The following CSMD1 variants were observed in gnomAD, a reference collection of about 807,000 sequenced individuals.
CSMD1 encodes CUB and Sushi multiple domains 1, also known as CUB and sushi domain-containing protein 1.
A neutral mutation model predicts 417.5 loss-of-function variants in CSMD1; 213 were observed. The ratio of observed to expected loss-of-function variants is 0.51; its 90% CI spans 0.46 to 0.57. The LOEUF (loss-of-function observed/expected upper bound fraction) is 0.57. CSMD1 is among the 20% of genes least tolerant of loss of function. The pLI, the probability that CSMD1 is intolerant of heterozygous loss-of-function variation, is 0.00. For synonymous variants in CSMD1, 2,862 were observed against 1,736.8 expected, an observed-to-expected ratio of 1.65 and a Z score of -16.11; for missense variants, 6,923 against 4,529.7, an observed-to-expected ratio of 1.53 and a Z score of -15.17.
At chr8:3,074,258 A>G (rs1165336511) in intron 49 of CSMD1, among the ~76,000 whole-genome samples, 3 of 152,214 alleles carry the variant, frequency 2.0e-5, no homozygotes, top group East Asian at 1.9e-4. Context: ...CAGGCCTTCA[A>G]TCTCTGACCA....
chr8:4,184,731 T>C (rs1414853868), intron 3 of CSMD1, among the ~76,000 whole-genome samples: 1 of 151,516 alleles, frequency 6.6e-6, no homozygotes, highest in Non-Finnish European at 1.5e-5. Flanking sequence ...CCGTGAAAAA[T>C]AACTAATGGG....
chr8:3,157,625 TGTC>T (rs1819613837), intron 39 of CSMD1, among the ~76,000 whole-genome samples: 1 of 152,116 alleles, frequency 6.6e-6, no homozygotes, highest in South Asian at 2.1e-4. Flanking sequence ...CTGACACACA[TGTC>T]GTTTTGGTGC....
intron 1 of CSMD1, among the ~76,000 whole-genome samples, chr8:4,913,549 G>A (rs1034228459): frequency 2.0e-5 from 3 of 152,028 alleles, no homozygotes; most frequent in Non-Finnish European, 4.4e-5. Flanking sequence ...AGCTCTACAG[G>A]GGAACGCCAC....
At chr8:4,300,848 T>G (rs531185527) in intron 3 of CSMD1, among the ~76,000 whole-genome samples, 1 of 152,330 alleles carries the variant, frequency 6.6e-6, no homozygotes, top group African/African-American at 2.4e-5. Flanking sequence ...TCCATGTCCC[T>G]ACAAAGGACA....
At chr8:4,240,859 TA>T in intron 3 of CSMD1, among the ~76,000 whole-genome samples, 1 of 152,342 alleles carries the variant, frequency 6.6e-6, no homozygotes, top group Non-Finnish European at 1.5e-5. Flanking sequence ...TAGCATTTTT[TA>T]AAATATTGAG....
chr8:3,893,263 G>C (rs1033119221), intron 5 of CSMD1, among the ~76,000 whole-genome samples: 3 of 144,606 alleles, frequency 2.1e-5, no homozygotes, highest in African/African-American at 5.0e-5. Context: ...TAATATTTTA[G>C]CCTATAAAAC....
chr8:4,290,802 A>C (rs1797319380), intron 3 of CSMD1, among the ~76,000 whole-genome samples: 1 of 152,198 alleles, frequency 6.6e-6, no homozygotes, highest in Non-Finnish European at 1.5e-5. Flanking sequence ...TTTTACTTTC[A>C]AGAAATCACA....
intron 2 of CSMD1, among the ~76,000 whole-genome samples, chr8:4,434,458 T>C (rs1416837268): frequency 1.3e-5 from 2 of 152,152 alleles, no homozygotes; most frequent in Non-Finnish European, 2.9e-5. Context: ...ACCCATCCTA[T>C]GAAGTCCCCA....
rs143218172 is a variant in CSMD1, at chr8:4,405,653, C to G, written c.415+14300G>C. Among the ~76,000 whole-genome samples, 682 of 152,272 alleles carry G rather than the reference C, an allele frequency of 4.5e-3. 5 individuals carry two copies. Among genetic ancestry groups the G allele is most frequent in the African/African-American group, 0.016 (661 of 41,552 alleles). ...AGGTTTTGCTTGGCATTGCATTATC[C>G]TCGCATGAGACACATCACTCATCGC... On this transcript the variant is annotated intron_variant, in intron 3 of 69. Transcript: ENST00000635120.
intron 27 of CSMD1, among the ~76,000 whole-genome samples, chr8:3,228,582 G>C (rs1798651243): frequency 6.6e-6 from 1 of 152,150 alleles, no homozygotes; most frequent in Non-Finnish European, 1.5e-5. Flanking sequence ...GGACTACCTA[G>C]TGGCTGGTCA....
In CSMD1 at chr8:4,531,042, G is replaced by A. The variant is rs984116357; in HGVS notation, c.302+106300C>T. Among the ~76,000 whole-genome samples, 5 of 152,080 alleles carry A rather than the reference G, an allele frequency of 3.3e-5. No individual in the cohort carries two copies. The South Asian group carries it at 8.3e-4, about 25-fold the overall frequency. On this transcript the variant is annotated intron_variant, in intron 2 of 69. Coordinates refer to ENST00000635120, the MANE Select transcript of CSMD1 (RefSeq NM_033225.6). Reference sequence around the variant, plus strand: ...TCTCTGCCGCTCTCTGTTGGATTACGTTGATTGTATGATACTCTATCATTT... The same window carrying A: ...TCTCTGCCGCTCTCTGTTGGATTACATTGATTGTATGATACTCTATCATTT...
intron 11 of CSMD1, among the ~76,000 whole-genome samples, chr8:3,492,508 G>A (rs1397970778): frequency 1.3e-5 from 2 of 152,222 alleles, no homozygotes; most frequent in Admixed American, 1.3e-4. Flanking sequence ...ACAACATGAA[G>A]AGAAGCTATC....
At chr8:4,461,707 T>C (rs1379869137) in intron 2 of CSMD1, among the ~76,000 whole-genome samples, 2 of 150,158 alleles carry the variant, frequency 1.3e-5, no homozygotes, top group Non-Finnish European at 3.0e-5. Flanking sequence ...AACACCACCA[T>C]AGCCAGCTCA....
intron 26 of CSMD1, among the ~76,000 whole-genome samples, chr8:3,252,308 T>C (rs961795422): frequency 2.0e-5 from 3 of 152,258 alleles, no homozygotes; most frequent in African/African-American, 7.2e-5. Flanking sequence ...TTTCTGCATC[T>C]ATTGGGATTA....
At position 3,940,748 on chromosome 8, in the gene CSMD1, T is replaced by G. The variant is rs190738436; in HGVS notation, c.818+57155A>C. ...ATTCATTTTTAAAGTAGCTTATTTT[T>G]CAAATTGTTTTGTTGTATACACAGT... On this transcript the variant is annotated intron_variant, in intron 5 of 69. Coordinates refer to ENST00000635120, the MANE Select transcript of CSMD1 (RefSeq NM_033225.6). 8.5e-5 allele frequency among the ~76,000 whole-genome samples: 13 copies of G among 152,142 alleles called. No homozygotes were observed. In the East Asian group the frequency reaches 2.5e-3, roughly 29 times the overall value.
At chr8:3,088,886 A>G (rs1814726693) in intron 48 of CSMD1, among the ~76,000 whole-genome samples, 1 of 152,002 alleles carries the variant, frequency 6.6e-6, no homozygotes, top group Admixed American at 6.6e-5. Flanking sequence ...TAGAAGGAAC[A>G]ATCAGACTGT....
chr8:3,648,153 A>C (rs1381115835), intron 7 of CSMD1, among the ~76,000 whole-genome samples: 2 of 152,252 alleles, frequency 1.3e-5, no homozygotes, highest in East Asian at 3.8e-4. Flanking sequence ...AGATTAAGTT[A>C]GATACTTCTC....
intron 1 of CSMD1, among the ~76,000 whole-genome samples, chr8:4,958,619 C>T (rs892715617): frequency 2.0e-5 from 3 of 152,146 alleles, no homozygotes; most frequent in Non-Finnish European, 4.4e-5. Context: ...CAATAATAAG[C>T]TATTCAAGTA....
intron 7 of CSMD1, among the ~76,000 whole-genome samples, chr8:3,669,846 G>C (rs1798897432): frequency 6.6e-6 from 1 of 152,244 alleles, no homozygotes; most frequent in South Asian, 2.1e-4. Context: ...GGTGATGTCA[G>C]CCATGAACAG....
Sources: gnomAD v4.1 joint callset for allele counts (sites outside exome capture counted in the v4.1 genomes callset) on GRCh38, gnomAD v4.1.1 for gene constraint, MANE v1.5 for transcripts, NCBI Gene and HGNC (gene_info 2026-07-23, HGNC 2026-07-21) for gene names.